Variants in MAGI2 observed in about 807,000 individuals in gnomAD.
MAGI2 encodes the protein membrane-associated guanylate kinase, WW and PDZ domain-containing protein 2.
A neutral mutation model predicts 133.3 loss-of-function variants in MAGI2; 35 were observed. The ratio of observed to expected loss-of-function variants is 0.26; its 90% CI spans 0.20 to 0.35. The LOEUF is 0.35. Ranked by LOEUF, MAGI2 falls within the 10% of genes least tolerant of loss-of-function variation. The pLI, the probability that MAGI2 is intolerant of heterozygous loss-of-function variation, is 1.00. For synonymous variants in MAGI2, 729 were observed against 710.6 expected, an observed-to-expected ratio of 1.03 and a Z score of -0.41; for missense variants, 1,636 against 1,863.4, an observed-to-expected ratio of 0.88 and a Z score of 2.25.
At chr7:78,181,515 A>G (rs1389101364) in intron 13 of MAGI2, among the ~76,000 whole-genome samples, 1 of 152,180 alleles carries the variant, frequency 6.6e-6, no homozygotes, top group Admixed American at 6.6e-5. Flanking sequence ...AGTGGTTGTA[A>G]AGAAATGGAC....
intron 1 of MAGI2, among the ~76,000 whole-genome samples, chr7:79,149,760 A>T (rs546002415): frequency 6.6e-6 from 1 of 152,214 alleles, no homozygotes; most frequent in African/African-American, 2.4e-5. Flanking sequence ...ATTTCAATTT[A>T]CAGTAAGGAC....
At chr7:78,930,134 C>G (rs1045425385) in intron 2 of MAGI2, among the ~76,000 whole-genome samples, 3 of 151,992 alleles carry the variant, frequency 2.0e-5, no homozygotes, top group Non-Finnish European at 2.9e-5. Flanking sequence ...TTATGGTAAT[C>G]CATGAAATTT....
chr7:79,383,958 T>C (rs1032260858), intron 1 of MAGI2, among the ~76,000 whole-genome samples: 4 of 151,454 alleles, frequency 2.6e-5, no homozygotes, highest in African/African-American at 9.7e-5. Flanking sequence ...TTAATAAATG[T>C]TATAAATATA....
intron 1 of MAGI2, among the ~76,000 whole-genome samples, chr7:79,451,081 A>G (rs750605906): frequency 3.9e-5 from 6 of 152,174 alleles, no homozygotes; most frequent in Non-Finnish European, 7.4e-5. Flanking sequence ...ATAATACACA[A>G]TAATCTTCCT....
At chr7:78,694,666 C>T (rs537898969) in intron 2 of MAGI2, among the ~76,000 whole-genome samples, 35 of 152,190 alleles carry the variant, frequency 2.3e-4, no homozygotes, top group African/African-American at 8.4e-4. Flanking sequence ...ATAGAGTAAA[C>T]ATTGAGACAG....
intron 1 of MAGI2, among the ~76,000 whole-genome samples, chr7:79,116,247 T>G (rs374763827): frequency 2.0e-5 from 3 of 152,164 alleles, no homozygotes; most frequent in African/African-American, 7.2e-5. Context: ...TAGTTAAAAG[T>G]GGCTAAGGCT....
intron 2 of MAGI2, among the ~76,000 whole-genome samples, chr7:78,715,798 G>T (rs545626960): frequency 1.3e-5 from 2 of 148,890 alleles, no homozygotes; most frequent in Admixed American, 7.2e-5. Flanking sequence ...TTTTTCCTGG[G>T]ATATAAAAGT....
At chr7:78,601,431 A>G (rs901974914) in intron 3 of MAGI2, among the ~76,000 whole-genome samples, 1 of 152,208 alleles carries the variant, frequency 6.6e-6, no homozygotes, top group Non-Finnish European at 1.5e-5. Context: ...GAATGTTCTT[A>G]GCATTCTTTC....
chr7:78,033,196 C>G (rs1156899712), intron 21 of MAGI2, among the ~76,000 whole-genome samples: 1 of 152,110 alleles, frequency 6.6e-6, no homozygotes, highest in African/African-American at 2.4e-5. Context: ...TAGAGTGGAC[C>G]TGCTGATGGA....
chr7:78,687,771 C>T (rs1351244537), intron 2 of MAGI2, among the ~76,000 whole-genome samples: 1 of 151,662 alleles, frequency 6.6e-6, no homozygotes, highest in East Asian at 1.9e-4. Context: ...GAGTTCAAGA[C>T]CAGCCTGGTC....
At chr7:79,266,388 C>T (rs1834460410) in intron 1 of MAGI2, among the ~76,000 whole-genome samples, 1 of 151,968 alleles carries the variant, frequency 6.6e-6, no homozygotes, top group African/African-American at 2.4e-5. Context: ...TCCAAACCAT[C>T]ACAGTGTCAT....
intron 2 of MAGI2, among the ~76,000 whole-genome samples, chr7:78,894,863 C>T (rs1323226123): frequency 6.6e-6 from 1 of 152,046 alleles, no homozygotes; most frequent in Non-Finnish European, 1.5e-5. Flanking sequence ...TCACTACTTC[C>T]AACAGTATTT....
chr7:78,596,574 T>A (rs1293828835), intron 3 of MAGI2, among the ~76,000 whole-genome samples: 1 of 152,122 alleles, frequency 6.6e-6, no homozygotes, highest in Non-Finnish European at 1.5e-5. Flanking sequence ...CTATACTTTT[T>A]ACGTGAAAGC....
At chr7:78,695,329 T>G (rs553362603) in intron 2 of MAGI2, among the ~76,000 whole-genome samples, 13 of 152,328 alleles carry the variant, frequency 8.5e-5, no homozygotes, top group African/African-American at 3.1e-4. Context: ...CCATGCCTTT[T>G]CTAGGACTGA....
At chr7:78,284,899 A>G (rs1432566485) in intron 9 of MAGI2, among the ~76,000 whole-genome samples, 1 of 152,176 alleles carries the variant, frequency 6.6e-6, no homozygotes, top group South Asian at 2.1e-4. Flanking sequence ...ATTTCATTCC[A>G]GAAATAAGTA....
intron 1 of MAGI2, among the ~76,000 whole-genome samples, chr7:79,372,586 T>C (rs1843114438): frequency 6.6e-6 from 1 of 152,044 alleles, no homozygotes; most frequent in South Asian, 2.1e-4. Flanking sequence ...CAAAAAGTCC[T>C]TGCTGAATCA....
chr7:79,028,235 G>GTATATATATATATATA (rs1174096501), intron 1 of MAGI2, among the ~76,000 whole-genome samples: 1 of 29,330 alleles, frequency 3.4e-5, no homozygotes, highest in Non-Finnish European at 7.8e-5. Flanking sequence ...ATATATGTAT[G>GTATATATATATATATA]TATATATATA....
At chr7:79,172,634 T>C (rs1825726660) in intron 1 of MAGI2, among the ~76,000 whole-genome samples, 1 of 152,034 alleles carries the variant, frequency 6.6e-6, no homozygotes, top group South Asian at 2.1e-4. Context: ...AAAAATTCAG[T>C]AAATTTAAAT....
chr7:78,911,673 T>C (rs1798410054), intron 2 of MAGI2, among the ~76,000 whole-genome samples: 1 of 151,872 alleles, frequency 6.6e-6, no homozygotes, highest in South Asian at 2.1e-4. Context: ...TGTATATATA[T>C]ATATATATAT....
Sources: allele counts gnomAD v4.1 joint callset (sites outside exome capture counted in the v4.1 genomes callset), GRCh38; gene constraint gnomAD v4.1.1; transcripts MANE v1.5; gene names NCBI Gene and HGNC (gene_info 2026-07-23, HGNC 2026-07-21).